The following PRKG1 variants were observed in gnomAD, a reference collection of about 807,000 sequenced individuals.
PRKG1 encodes the protein cGMP-dependent protein kinase 1.
Under a neutral mutation model 88.1 loss-of-function variants are expected in PRKG1, and 35 were observed. That is an observed-to-expected ratio of 0.40 (90% CI 0.30 to 0.53). The LOEUF (loss-of-function observed/expected upper bound fraction) is 0.53, where lower values mean the gene tolerates loss of function less well. Among genes scored for constraint, PRKG1 ranks in the 20% least tolerant of loss-of-function variants. The pLI is 0.59. For missense variants in PRKG1, 540 were observed against 839.8 expected, an observed-to-expected ratio of 0.64 and a Z score of 4.41; for synonymous variants, 303 against 292.5, an observed-to-expected ratio of 1.04 and a Z score of -0.37.
At chr10:51,610,005 T>A (rs10998477) in intron 3 of PRKG1, among the ~76,000 whole-genome samples, 4,745 of 151,614 alleles carry the variant, frequency 0.031, 117 homozygotes, top group South Asian at 0.068. Flanking sequence ...AAAAAAAAAT[T>A]TTTTTGATCC....
At chr10:51,716,262 G>A (rs1450244435) in intron 3 of PRKG1, among the ~76,000 whole-genome samples, 1 of 152,162 alleles carries the variant, frequency 6.6e-6, no homozygotes, top group East Asian at 1.9e-4. Context: ...GCCGAAACCT[G>A]GCTCTTTTAG....
chr10:51,091,687 T>C (rs1242616305), intron 1 of PRKG1, among the ~76,000 whole-genome samples: 1 of 152,134 alleles, frequency 6.6e-6, no homozygotes, highest in Non-Finnish European at 1.5e-5. Context: ...TCTGGTATAT[T>C]AGTGTATTAA....
chr10:50,993,035 T>A (rs1842798318), intron 1 of PRKG1, among the ~76,000 whole-genome samples: 1 of 152,160 alleles, frequency 6.6e-6, no homozygotes, highest in African/African-American at 2.4e-5. Flanking sequence ...TCCTTTCCAC[T>A]GTCCCCATCC....
chr10:51,346,440 A>G lies in PRKG1; in HGVS notation c.479-121283A>G, dbSNP rs548737892. ...AGTTATAAAATACTGCCACTTCTGC[A>G]TAAAGAAATTAAGATTTTTATCTAG... On this transcript the variant is annotated intron_variant, in intron 2 of 17. Transcript: ENST00000373980. 3.3e-5 allele frequency among the ~76,000 whole-genome samples: 5 copies of G among 152,344 alleles called. No individual in the cohort carries two copies. The East Asian group carries it at 9.6e-4, about 29-fold the overall frequency.
intron 3 of PRKG1, among the ~76,000 whole-genome samples, chr10:51,523,900 C>T (rs1841802711): frequency 6.6e-6 from 1 of 152,090 alleles, no homozygotes; most frequent in Admixed American, 6.6e-5. Context: ...TCTATATGCC[C>T]ACCCAAATTT....
At chr10:52,010,480 A>G (rs778678798) in intron 5 of PRKG1, among the ~76,000 whole-genome samples, 6 of 152,142 alleles carry the variant, frequency 3.9e-5, no homozygotes, top group Non-Finnish European at 8.8e-5. Flanking sequence ...TACTTAAACC[A>G]GGGGTGTTGA....
intron 2 of PRKG1, among the ~76,000 whole-genome samples, chr10:51,291,156 A>G (rs545840621): frequency 6.6e-6 from 1 of 152,290 alleles, no homozygotes; most frequent in Admixed American, 6.5e-5. Context: ...AAGCATTGTT[A>G]TGAAAGTTAA....
intron 3 of PRKG1, among the ~76,000 whole-genome samples, chr10:51,550,605 A>G (rs1837103822): frequency 6.6e-6 from 1 of 151,966 alleles, no homozygotes; most frequent in Non-Finnish European, 1.5e-5. Context: ...AAATAATACT[A>G]ATTTTGGATA....
chr10:51,623,107 A>T (rs1012896056), intron 3 of PRKG1, among the ~76,000 whole-genome samples: 3 of 152,226 alleles, frequency 2.0e-5, no homozygotes, highest in Non-Finnish European at 4.4e-5. Flanking sequence ...AATCCAACAG[A>T]TCACATTGAT....
chr10:52,197,485 G>A (rs1377425342), intron 9 of PRKG1, among the ~76,000 whole-genome samples: 2 of 152,168 alleles, frequency 1.3e-5, no homozygotes, highest in Non-Finnish European at 2.9e-5. Flanking sequence ...GCTTCATCTG[G>A]TATAAGAAAA....
intron 2 of PRKG1, among the ~76,000 whole-genome samples, chr10:51,163,520 A>T (rs890931180): frequency 6.6e-6 from 1 of 152,132 alleles, no homozygotes; most frequent in Admixed American, 6.5e-5. Flanking sequence ...CTCACTAGGG[A>T]GTGCCAGACA....
At chr10:51,776,884 G>A (rs1838453475) in intron 3 of PRKG1, among the ~76,000 whole-genome samples, 1 of 151,940 alleles carries the variant, frequency 6.6e-6, no homozygotes, top group African/African-American at 2.4e-5. Context: ...ATATGATGAG[G>A]CAAGAGCAAA....
chr10:52,151,440 T>G (rs1400691213), intron 8 of PRKG1, among the ~76,000 whole-genome samples: 1 of 152,202 alleles, frequency 6.6e-6, no homozygotes, highest in Admixed American at 6.5e-5. Context: ...TAATTTAGTA[T>G]TGATAGTTTG....
Position 51,365,011 on chromosome 10 carries a change from G to T in PRKG1, c.479-102712G>T, listed in dbSNP as rs145404363. On this transcript the variant is annotated intron_variant, in intron 2 of 17. Transcript: ENST00000373980. ...TGAAAGGTTCTTTTCCTGCTGGGAT[G>T]TATATATTAGCACAGAAAATCAATT... is the stretch of plus-strand genomic sequence containing the variant. Among the ~76,000 whole-genome samples, 378 of 152,062 alleles carry T rather than the reference G, an allele frequency of 2.5e-3. 1 individual carries two copies. The highest frequency in any genetic ancestry group is 4.3e-3 in the Non-Finnish European group (294 of 67,912).
chr10:51,541,607 G>A (rs937369298), intron 3 of PRKG1, among the ~76,000 whole-genome samples: 17 of 151,956 alleles, frequency 1.1e-4, no homozygotes, highest in Non-Finnish European at 2.4e-4. Context: ...AATCAGTGAA[G>A]TTTATCACTT....
chr10:51,501,705 C>T (rs1468252631), intron 3 of PRKG1, among the ~76,000 whole-genome samples: 1 of 151,718 alleles, frequency 6.6e-6, no homozygotes. Context: ...ATGTTATTAA[C>T]ACTTTGGCAA....
intron 7 of PRKG1, among the ~76,000 whole-genome samples, chr10:52,075,977 A>C (rs528696260): frequency 6.6e-6 from 1 of 152,210 alleles, no homozygotes; most frequent in Non-Finnish European, 1.5e-5. Flanking sequence ...CAATATACAC[A>C]TATAAATTTA....
At chr10:52,177,919 G>T (rs185869000) in intron 9 of PRKG1, among the ~76,000 whole-genome samples, 2 of 144,318 alleles carry the variant, frequency 1.4e-5, no homozygotes, top group South Asian at 2.2e-4. Context: ...TGTTGATTTT[G>T]CATATCTTTT....
chr10:51,311,954 C>T (rs1458249722), intron 2 of PRKG1, among the ~76,000 whole-genome samples: 2 of 152,156 alleles, frequency 1.3e-5, no homozygotes, highest in East Asian at 3.9e-4. Context: ...TCACCGCAAC[C>T]TCTGCCTCCC....
Sources: gnomAD v4.1 joint callset for allele counts (sites outside exome capture counted in the v4.1 genomes callset) on GRCh38, gnomAD v4.1.1 for gene constraint, MANE v1.5 for transcripts, NCBI Gene and HGNC (gene_info 2026-07-23, HGNC 2026-07-21) for gene names.